Variants in BIN2 observed in about 807,000 individuals in gnomAD.
BIN2 encodes the protein bridging integrator 2.
Under a neutral mutation model 67.9 loss-of-function variants are expected in BIN2, and 43 were observed. That is an observed-to-expected ratio of 0.63 (90% CI 0.50 to 0.82). The LOEUF (loss-of-function observed/expected upper bound fraction) is 0.82. Ranked by LOEUF, BIN2 falls within the 40% of genes least tolerant of loss-of-function variation. BIN2 has a pLI of 0.00. For missense variants in BIN2, 581 were observed against 671.6 expected (o/e 0.87, Z 1.49); for synonymous variants, 244 against 246.8 (o/e 0.99, Z 0.11).
rs1565680777 is a variant in BIN2, at chr12:51,302,064, C to T, written c.364G>A (p.Val122Ile). 9 of 1,613,580 alleles carry T rather than the reference C, an allele frequency of 5.6e-6. No individual in the cohort carries two copies. The highest frequency in any genetic ancestry group is 1.3e-5 in the African/African-American group (1 of 74,900). ...GCAACATAGATTTCCATGGTCCTTA[C>T]AGCCTGGTCAGCCAGTTTCTCCTCG... is the stretch of plus-strand genomic sequence containing the variant. The part of the protein sequence containing the change: ...DYEEKLADQA[V>I]RTMEIYVAQF... The change falls in exon 5 of 13, where the codon GTA (valine) becomes ATA (isoleucine). Residue 122 changes from valine to isoleucine, a missense_variant. By Grantham distance (29) the Val-to-Ile change is conservative. Coordinates refer to ENST00000615107, the MANE Select transcript of BIN2 (RefSeq NM_016293.4).
In BIN2 at chr12:51,288,321, C is replaced by G; in HGVS notation, c.1516-133G>C. On this transcript the variant is annotated intron_variant, in intron 10 of 12. Coordinates refer to ENST00000615107, the MANE Select transcript of BIN2 (RefSeq NM_016293.4). ...CGAGGTAGCCTTGGTCAGACACAGG[C>G]AGTAGTAGGGTGGTGTGATCTAACG... 3 of 660,630 alleles carry G rather than the reference C, an allele frequency of 4.5e-6. No individual in the cohort carries two copies. In the East Asian group the frequency reaches 8.2e-5, roughly 18 times the overall value. The allele number at this position is 660,630 out of a possible 1,614,324, so 40.9% of individuals were successfully genotyped here. A position where few individuals can be genotyped will look rare whatever the true frequency, so the allele number is the denominator to read the frequency against.
rs554898754 is a variant in BIN2 at position 51,305,784 on chromosome 12, T to C, written c.163-2643A>G. Among the ~76,000 whole-genome samples the C allele has an allele frequency of 4.3e-4, 64 of 147,772 alleles. 1 individual carries two copies. The highest frequency in any genetic ancestry group is 7.7e-4 in the Non-Finnish European group (52 of 67,872). ...AAATCAAAGAAAACTGGACTAGTTA[T>C]TTCATCCATTTTTTTTGCCTCCAGA... On this transcript the variant is annotated intron_variant, in intron 2 of 12. Transcript: ENST00000615107.
chr12:51,284,852 T>A, intron 11 of BIN2, 65 bp from the exon 12 acceptor site: 4 of 1,147,160 alleles, frequency 3.5e-6, no homozygotes, highest in Non-Finnish European at 5.3e-6. Context: ...AGCATAGAAG[T>A]GTCTTCTGTG....
Position 51,281,491 on chromosome 12 carries a change from G to A in BIN2, c.*8C>T. 6.2e-7 allele frequency: 1 copy of A among 1,613,870 alleles called. No homozygotes were observed. The highest frequency in any genetic ancestry group is 8.5e-7 in the Non-Finnish European group (1 of 1,179,796). On this transcript the variant is annotated 3_prime_UTR_variant, in exon 13 of 13. Coordinates refer to ENST00000615107, the MANE Select transcript of BIN2 (RefSeq NM_016293.4). ...GTTTGGGGCAGGAGGAGTCTTGGTA[G>A]TTTCTCTTCAGAGTTGTGGATTTTC...
intron 1 of BIN2, among the ~76,000 whole-genome samples, chr12:51,316,695 C>T (rs12581282): frequency 0.13 from 19,821 of 151,972 alleles, 1,436 homozygotes; most frequent in East Asian, 0.24. Context: ...TTCTAGAATG[C>T]CTTTCCTCAC....
At chr12:51,305,985 T>C (rs1382065765) in intron 2 of BIN2, among the ~76,000 whole-genome samples, 1 of 151,702 alleles carries the variant, frequency 6.6e-6, no homozygotes, top group Non-Finnish European at 1.5e-5. Flanking sequence ...TACAGGTGTG[T>C]GCCACCACGC....
intron 1 of BIN2, among the ~76,000 whole-genome samples, chr12:51,314,799 CAA>C (rs549900834): frequency 5.3e-5 from 7 of 132,036 alleles, no homozygotes; most frequent in Non-Finnish European, 3.3e-5. Context: ...AACTCTGTCT[CAA>C]AAAAAAAAAA....
chr12:51,288,152 C>T lies in BIN2; in HGVS notation c.1552G>A (p.Asp518Asn). ...ATAAGCTTATTATCCTTTTCCTTGTCTTCCATCTTCTTTGCCTCTCCAGGC... is the reference window on the plus strand; with the variant it reads ...ATAAGCTTATTATCCTTTTCCTTGTTTTCCATCTTCTTTGCCTCTCCAGGC... ...SEPGEAKKMEDKEKDNKLISA... is the reference protein window; with the variant it reads ...SEPGEAKKMENKEKDNKLISA... Residue 518 changes from aspartate to asparagine, a missense_variant, in exon 11 of 13, where the codon GAC becomes AAC. Asp to Asn is a conservative substitution (Grantham distance 23). Transcript: ENST00000615107. 6.2e-7 allele frequency: 1 copy of T among 1,613,998 alleles called. No homozygotes were observed. Among genetic ancestry groups the T allele is most frequent in the East Asian group, 2.2e-5 (1 of 44,886 alleles).
At chr12:51,316,172 C>A (rs566730637) in intron 1 of BIN2, among the ~76,000 whole-genome samples, 17 of 152,146 alleles carry the variant, frequency 1.1e-4, no homozygotes, top group Non-Finnish European at 2.4e-4. Flanking sequence ...GTTCCCCATT[C>A]ATCTGTTCAA....
At chr12:51,283,304 AC>A (rs2137330986) in intron 12 of BIN2, among the ~76,000 whole-genome samples, 1 of 151,806 alleles carries the variant, frequency 6.6e-6, no homozygotes, top group African/African-American at 2.4e-5. Flanking sequence ...TTTAAAAAAA[AC>A]ATTAACTGTA....
chr12:51,295,498 G>A (rs1231377955), intron 9 of BIN2, among the ~76,000 whole-genome samples: 2 of 146,938 alleles, frequency 1.4e-5, no homozygotes, highest in East Asian at 4.0e-4. Flanking sequence ...GGGAGGCGGA[G>A]CTTGCAGTGA....
At chr12:51,289,161 C>T (rs1216615976) in intron 10 of BIN2, among the ~76,000 whole-genome samples, 3 of 151,968 alleles carry the variant, frequency 2.0e-5, no homozygotes, top group African/African-American at 4.8e-5. Flanking sequence ...TTTTCCCATC[C>T]CATTTAAAAA....
Position 51,284,807 on chromosome 12 carries a change from G to T in BIN2, c.1597-20C>A. 4 of 1,596,514 alleles carry T rather than the reference G, an allele frequency of 2.5e-6. No homozygotes were observed. Among genetic ancestry groups the T allele is most frequent in the Non-Finnish European group, 3.4e-6 (4 of 1,164,170 alleles). ...TTGGCCCTACAAAGAGAAGAGTTCTGCCAGTAAGAGGTGGCTCAACCTTTC... is the reference window on the plus strand; with the variant it reads ...TTGGCCCTACAAAGAGAAGAGTTCTTCCAGTAAGAGGTGGCTCAACCTTTC... On this transcript the variant is annotated intron_variant, in intron 11 of 12. Coordinates refer to ENST00000615107, the MANE Select transcript of BIN2 (RefSeq NM_016293.4).
chr12:51,297,248 C>G, intron 7 of BIN2, 84 bp from the exon 8 acceptor site: 1 of 1,320,130 alleles, frequency 7.6e-7, no homozygotes, highest in Non-Finnish European at 1.1e-6. Flanking sequence ...AGGACTTAAG[C>G]CAAAACCAGC....
intron 1 of BIN2, among the ~76,000 whole-genome samples, chr12:51,320,636 T>A (rs1331522974): frequency 7.5e-4 from 76 of 101,034 alleles, no homozygotes; most frequent in Middle Eastern, 9.7e-3. Flanking sequence ...TCATTATTCT[T>A]TTTTTTTTTT....
intron 1 of BIN2, among the ~76,000 whole-genome samples, chr12:51,320,954 A>ACACACACTCACACAC (rs1555173090): frequency 6.8e-6 from 1 of 147,240 alleles, no homozygotes; most frequent in Admixed American, 6.8e-5. Flanking sequence ...CACACACACA[A>ACACACACTCACACAC]ACACACACAC....
intron 2 of BIN2, among the ~76,000 whole-genome samples, chr12:51,305,826 C>CTTT (rs1168899685): frequency 2.6e-3 from 211 of 82,440 alleles, no homozygotes; most frequent in East Asian, 4.5e-3. Context: ...TGTTTTCTTT[C>CTTT]TTTTTTTTTT....
chr12:51,285,001 TA>T (rs1945202079), intron 11 of BIN2, among the ~76,000 whole-genome samples: 1 of 152,154 alleles, frequency 6.6e-6, no homozygotes, highest in Non-Finnish European at 1.5e-5. Context: ...ATTCAAAGGG[TA>T]AAAAGACTTG....
chr12:51,295,759 G>T, intron 9 of BIN2, 37 bp downstream of exon 9: 1 of 1,572,724 alleles, frequency 6.4e-7, no homozygotes, highest in Non-Finnish European at 8.7e-7. Flanking sequence ...TTCACACACA[G>T]GACAAGCGAA....
Sources: gnomAD v4.1 joint callset for allele counts (sites outside exome capture counted in the v4.1 genomes callset) on GRCh38, gnomAD v4.1.1 for gene constraint, MANE v1.5 for transcripts, NCBI Gene and HGNC (gene_info 2026-07-23, HGNC 2026-07-21) for gene names.